Variants in SUSD4 observed in about 807,000 individuals in gnomAD.
The protein encoded by SUSD4 is sushi domain-containing protein 4.
A neutral mutation model predicts 50.5 loss-of-function variants in SUSD4; 41 were observed. The ratio of observed to expected loss-of-function variants is 0.81; its 90% CI spans 0.63 to 1.05. The LOEUF (loss-of-function observed/expected upper bound fraction) is 1.05, where lower values mean the gene tolerates loss of function less well. Among genes scored for constraint, SUSD4 ranks in the 50% least tolerant of loss-of-function variants. The probability of loss-of-function intolerance (pLI) is 0.00; values close to 1 mark genes in which losing one functional copy is unlikely to be tolerated. For missense variants in SUSD4, 580 were observed against 634.7 expected (o/e 0.91, Z 0.93); for synonymous variants, 257 against 257.3 (o/e 1.00, Z 0.01).
intron 2 of SUSD4, among the ~76,000 whole-genome samples, chr1:223,300,732 G>A (rs1366971374): frequency 6.6e-6 from 1 of 152,186 alleles, no homozygotes; most frequent in Non-Finnish European, 1.5e-5. Context: ...GGGCATCCCT[G>A]TGAAAGTTTA....
intron 2 of SUSD4, among the ~76,000 whole-genome samples, chr1:223,331,597 A>G (rs1667177824): frequency 6.6e-6 from 1 of 152,192 alleles, no homozygotes; most frequent in Admixed American, 6.5e-5. Flanking sequence ...GAGGCCTTTG[A>G]TGCTATCTGC....
intron 3 of SUSD4, among the ~76,000 whole-genome samples, chr1:223,272,467 A>C (rs1040932564): frequency 6.6e-6 from 1 of 152,232 alleles, no homozygotes; most frequent in Non-Finnish European, 1.5e-5. Context: ...GTACAAATTA[A>C]TTTATCAGAT....
intron 2 of SUSD4, among the ~76,000 whole-genome samples, chr1:223,301,635 T>G (rs192668806): frequency 6.6e-6 from 1 of 152,190 alleles, no homozygotes; most frequent in African/African-American, 2.4e-5. Flanking sequence ...TCACCAGCAA[T>G]GCAGGTAAAC....
Position 223,235,112 on chromosome 1 carries a change from A to G in SUSD4, c.725-5724T>C, listed in dbSNP as rs374189452. On this transcript the variant is annotated intron_variant, in intron 5 of 8. Coordinates refer to ENST00000366878, the MANE Select transcript of SUSD4 (RefSeq NM_017982.4). Reference sequence around the variant, plus strand: ...TTCAGGTCTTCCTCCTGAAAAAAAGAAGTGTAAATATGAAAACATAAGAAG... The same window carrying G: ...TTCAGGTCTTCCTCCTGAAAAAAAGGAGTGTAAATATGAAAACATAAGAAG... 11 of 1,591,698 alleles carry G rather than the reference A, an allele frequency of 6.9e-6. No homozygotes were observed. The African/African-American group carries it at 1.4e-4, about 20-fold the overall frequency.
intron 2 of SUSD4, among the ~76,000 whole-genome samples, chr1:223,333,247 C>G (rs572277473): frequency 3.9e-5 from 6 of 152,192 alleles, no homozygotes; most frequent in African/African-American, 1.4e-4. Flanking sequence ...GCATTTCAAT[C>G]CACACTCCAC....
At chr1:223,258,627 G>A (rs1303910506) in intron 5 of SUSD4, among the ~76,000 whole-genome samples, 2 of 152,150 alleles carry the variant, frequency 1.3e-5, no homozygotes, top group African/African-American at 4.8e-5. Flanking sequence ...TGGTTCCTGG[G>A]AGAAATGGCA....
chr1:223,286,887 G>A (rs1390388177), intron 3 of SUSD4, among the ~76,000 whole-genome samples: 1 of 152,156 alleles, frequency 6.6e-6, no homozygotes, highest in Non-Finnish European at 1.5e-5. Context: ...TGTGTTGTTA[G>A]GTGAATCTCA....
chr1:223,313,216 G>A lies in SUSD4; in HGVS notation c.149-20565C>T, dbSNP rs988830217. ...AGAGGGTTGGGACTTTGAGTCACAT[G>A]ATCTCAGTCTGACCTCTGACAAGGA... is the stretch of plus-strand genomic sequence containing the variant. On this transcript the variant is annotated intron_variant, in intron 2 of 8. Transcript: ENST00000366878. Among the ~76,000 whole-genome samples the A allele has an allele frequency of 2.6e-5, 4 of 152,270 alleles. No homozygotes were observed. The East Asian group carries it at 5.8e-4, about 22-fold the overall frequency.
intron 3 of SUSD4, among the ~76,000 whole-genome samples, chr1:223,291,833 A>G (rs1350313638): frequency 6.6e-6 from 1 of 152,224 alleles, no homozygotes; most frequent in Non-Finnish European, 1.5e-5. Context: ...TAAAGTAAAA[A>G]CAAAAAAAAG....
At chr1:223,344,155 A>C (rs1371173030) in intron 2 of SUSD4, among the ~76,000 whole-genome samples, 1 of 152,202 alleles carries the variant, frequency 6.6e-6, no homozygotes, top group Non-Finnish European at 1.5e-5. Context: ...ATATATACAG[A>C]CAGCCTGACC....
chr1:223,364,375 G>A (rs1057330497), upstream of SUSD4, among the ~76,000 whole-genome samples: 1 of 147,674 alleles, frequency 6.8e-6, no homozygotes, highest in African/African-American at 2.4e-5. This position sits in a 1 kb window ranked among gnomAD's most constrained non-coding sequence, Gnocchi z 4.5. Flanking sequence ...TGAGTGGGGG[G>A]GCGGGGACGG....
At chr1:223,286,260 C>T (rs1011680635) in intron 3 of SUSD4, among the ~76,000 whole-genome samples, 26 of 152,064 alleles carry the variant, frequency 1.7e-4, no homozygotes, top group African/African-American at 4.6e-4. Context: ...GGACTACAGA[C>T]GCCTGCCACC....
chr1:223,267,171 C>T (rs577420519), intron 4 of SUSD4, among the ~76,000 whole-genome samples: 1 of 152,236 alleles, frequency 6.6e-6, no homozygotes, highest in South Asian at 2.1e-4. Context: ...AGCAGGAAAG[C>T]CTGGGTCTAA....
Position 223,229,148 on chromosome 1 carries a change from T to G in SUSD4, c.916+49A>C, listed in dbSNP as rs748673984. 2 of 1,534,716 alleles carry G rather than the reference T, an allele frequency of 1.3e-6. No individual in the cohort carries two copies. The highest frequency in any genetic ancestry group is 3.9e-4 in the Middle Eastern group (2 of 5,152). ...ATAACCACCACCCACTATGTGCAGA[T>G]GGTCCAAGGAGGGTCCATCTCCTCC... On this transcript the variant is annotated intron_variant, in intron 6 of 8. Transcript: ENST00000366878. The surrounding 1 kb of genome is among the most constrained non-coding windows in gnomAD (Gnocchi z 4.7).
intron 2 of SUSD4, among the ~76,000 whole-genome samples, chr1:223,295,767 G>A (rs1230052215): frequency 6.6e-6 from 1 of 151,840 alleles, no homozygotes; most frequent in Non-Finnish European, 1.5e-5. Flanking sequence ...GAGGGGCATG[G>A]GTGTCAAGAC....
intron 3 of SUSD4, among the ~76,000 whole-genome samples, chr1:223,280,505 G>A (rs888421296): frequency 6.6e-6 from 1 of 151,940 alleles, no homozygotes; most frequent in African/African-American, 2.4e-5. Flanking sequence ...ATTACATAAT[G>A]GTAAAGGGAT....
chr1:223,348,594 G>A (rs1668173542), intron 2 of SUSD4, among the ~76,000 whole-genome samples: 1 of 152,150 alleles, frequency 6.6e-6, no homozygotes, highest in Admixed American at 6.5e-5. Context: ...TAAATTAAAG[G>A]GACAGCTCTG....
intron 3 of SUSD4, among the ~76,000 whole-genome samples, chr1:223,270,063 G>A (rs1571933002): frequency 1.3e-5 from 2 of 152,142 alleles, no homozygotes; most frequent in African/African-American, 4.8e-5. Context: ...GAAATGGGAA[G>A]TATGGCACAA....
chr1:223,263,752 A>T, intron 5 of SUSD4: 1 of 985,442 alleles, frequency 1.0e-6, no homozygotes, highest in Non-Finnish European at 1.2e-6. Context: ...TCCCACACAG[A>T]GGTGCACACT....
Sources: allele counts gnomAD v4.1 joint callset (sites outside exome capture counted in the v4.1 genomes callset), GRCh38; gene constraint gnomAD v4.1.1; non-coding constraint Gnocchi (gnomAD v3.1); transcripts MANE v1.5; gene names NCBI Gene and HGNC (gene_info 2026-07-23, HGNC 2026-07-21).